The following RUNX1 variants were observed in gnomAD, a reference collection of about 807,000 sequenced individuals.
RUNX1 encodes the protein RUNX family transcription factor 1.
A neutral mutation model predicts 42.8 loss-of-function variants in RUNX1; 19 were observed. That is an observed-to-expected ratio of 0.44 (90% CI 0.31 to 0.65). The LOEUF (loss-of-function observed/expected upper bound fraction) is 0.65, where lower values mean the gene tolerates loss of function less well. Ranked by LOEUF, RUNX1 falls within the 30% of genes least tolerant of loss-of-function variation. The probability of loss-of-function intolerance (pLI) is 0.07; values close to 1 mark genes in which losing one functional copy is unlikely to be tolerated. For missense variants in RUNX1, 528 were observed against 672.0 expected, an observed-to-expected ratio of 0.79 and a Z score of 2.37; for synonymous variants, 271 against 289.4, an observed-to-expected ratio of 0.94 and a Z score of 0.64.
chr21:34,867,372 G>A (rs145723659), intron 5 of RUNX1, among the ~76,000 whole-genome samples: 3,800 of 152,266 alleles, frequency 0.025, 151 homozygotes, highest in African/African-American at 0.085. Context: ...CCCAGGAGGC[G>A]GAGGTTGCAG....
chr21:34,858,263 C>A (rs1412575449), intron 6 of RUNX1, among the ~76,000 whole-genome samples: 1 of 152,134 alleles, frequency 6.6e-6, no homozygotes, highest in East Asian at 1.9e-4. Context: ...GGATAGCCTG[C>A]AGAGAACTAC....
chr21:34,807,278 C>T (rs2056693192), intron 7 of RUNX1, among the ~76,000 whole-genome samples: 2 of 152,154 alleles, frequency 1.3e-5, no homozygotes, highest in South Asian at 4.1e-4. Flanking sequence ...TGACTGTCCA[C>T]TCTAGGGTCT....
chr21:34,952,134 C>T (rs551292314), intron 2 of RUNX1, among the ~76,000 whole-genome samples: 5 of 152,080 alleles, frequency 3.3e-5, no homozygotes, highest in Non-Finnish European at 5.9e-5. Flanking sequence ...GGACAGAAAA[C>T]CAAACACTAC....
intron 2 of RUNX1, among the ~76,000 whole-genome samples, chr21:35,004,753 C>T (rs189766172): frequency 5.9e-5 from 9 of 152,286 alleles, no homozygotes; most frequent in South Asian, 2.1e-4. Flanking sequence ...ATTCAACTTT[C>T]GGGCTCACAA....
chr21:34,813,382 A>G (rs1317123387), intron 7 of RUNX1, among the ~76,000 whole-genome samples: 38 of 152,214 alleles, frequency 2.5e-4, no homozygotes, highest in Admixed American at 2.5e-3. Context: ...GGTGCTCTTC[A>G]GGATCGGGGA....
At chr21:34,873,355 C>T (rs1555897312) in intron 5 of RUNX1, among the ~76,000 whole-genome samples, 1 of 152,176 alleles carries the variant, frequency 6.6e-6, no homozygotes, top group Non-Finnish European at 1.5e-5. Flanking sequence ...TGGACAGGCA[C>T]GTCCTTGGGA....
intron 2 of RUNX1, among the ~76,000 whole-genome samples, chr21:34,899,344 G>A (rs1204928640): frequency 2.0e-5 from 3 of 152,208 alleles, no homozygotes; most frequent in Non-Finnish European, 1.5e-5. Flanking sequence ...AGATGAGGTT[G>A]TGAGGCTGGG....
rs796351052 is a variant in RUNX1 at position 34,849,332 on chromosome 21, CTA to C, written c.613+10140_613+10141del. On this transcript the variant is annotated intron_variant, in intron 6 of 8. Coordinates refer to ENST00000675419, the MANE Select transcript of RUNX1 (RefSeq NM_001754.5). ...ATATATTATATATATATTATATATA[CTA>C]TATATATTATATATAGTATATATAA... is the stretch of plus-strand genomic sequence containing the variant. Among the ~76,000 whole-genome samples the C allele has an allele frequency of 3.6e-3, 89 of 24,666 alleles. 13 individuals carry two copies. Among genetic ancestry groups the C allele is most frequent in the Admixed American group, 0.011 (12 of 1,086 alleles). 16.2% of individuals were successfully genotyped at this position (24,666 alleles called of 152,430 possible).
chr21:34,788,439 C>T lies in RUNX1; in HGVS notation c.*3696G>A, dbSNP rs986522494. On this transcript the variant is annotated 3_prime_UTR_variant, in exon 9 of 9. Coordinates refer to ENST00000675419, the MANE Select transcript of RUNX1 (RefSeq NM_001754.5). Reference sequence around the variant, plus strand: ...TTGGAACCATGCTATTAGCTGTTTACAAAAGTGAATAAGAAGTAGCTCATT... The same window carrying T: ...TTGGAACCATGCTATTAGCTGTTTATAAAAGTGAATAAGAAGTAGCTCATT... 2 of 232,434 alleles carry T rather than the reference C, an allele frequency of 8.6e-6. No individual in the cohort carries two copies. 14.4% of individuals were successfully genotyped at this position (232,434 alleles called of 1,614,324 possible).
At chr21:34,818,722 A>C (rs985054337) in intron 7 of RUNX1, among the ~76,000 whole-genome samples, 2 of 152,258 alleles carry the variant, frequency 1.3e-5, no homozygotes, top group Admixed American at 6.5e-5. Context: ...AGGATGGACC[A>C]GCCGACCGGC....
At chr21:34,930,849 AC>A (rs2058439055) in intron 2 of RUNX1, among the ~76,000 whole-genome samples, 1 of 152,144 alleles carries the variant, frequency 6.6e-6, no homozygotes, top group Non-Finnish European at 1.5e-5. Flanking sequence ...TTGTAAGGTC[AC>A]CCATTTCTTC....
At chr21:34,906,578 A>T (rs1286235001) in intron 2 of RUNX1, among the ~76,000 whole-genome samples, 1 of 152,248 alleles carries the variant, frequency 6.6e-6, no homozygotes, top group Non-Finnish European at 1.5e-5. Flanking sequence ...CCAAGGCCAC[A>T]TAGAGATGGA....
At chr21:34,887,405 G>A (rs2058014214) in intron 3 of RUNX1, 1 of 1,391,676 alleles carries the variant, frequency 7.2e-7, no homozygotes, top group Non-Finnish European at 9.3e-7. Flanking sequence ...CACGAATCTT[G>A]CTTGCAGAGG....
chr21:34,978,969 C>CACAT (rs959216105), intron 2 of RUNX1, among the ~76,000 whole-genome samples: 1 of 151,566 alleles, frequency 6.6e-6, no homozygotes, highest in Admixed American at 6.6e-5. Flanking sequence ...CACACACACA[C>CACAT]ACACACACAC....
In RUNX1 at chr21:34,893,770, GTTTTT is replaced by G. The variant is rs67786578; in HGVS notation, c.59-812_59-808del. 3.6e-3 allele frequency among the ~76,000 whole-genome samples: 489 copies of G among 137,666 alleles called. 4 individuals carry two copies. Among genetic ancestry groups the G allele is most frequent in the African/African-American group, 0.013 (467 of 34,708 alleles). The allele number at this position is 137,666 out of a possible 152,430, so 90.3% of individuals were successfully genotyped here. A position where few individuals can be genotyped will look rare whatever the true frequency, so the allele number is the denominator to read the frequency against. On this transcript the variant is annotated intron_variant, in intron 2 of 8. Coordinates refer to ENST00000675419, the MANE Select transcript of RUNX1 (RefSeq NM_001754.5). ...TCCATGCCACAATATTTAGTATGCTGTTTTTTTTTTTTTAAAAAAAAACCTTTAAA... is the reference window on the plus strand; with the variant it reads ...TCCATGCCACAATATTTAGTATGCTGTTTTTTTTAAAAAAAAACCTTTAAA...
chr21:34,951,138 T>C (rs1226779319), intron 2 of RUNX1, among the ~76,000 whole-genome samples: 1 of 152,174 alleles, frequency 6.6e-6, no homozygotes, highest in East Asian at 1.9e-4. Context: ...CTTCATCCAC[T>C]TATCTGCCCA....
Position 34,889,712 on chromosome 21 carries a change from G to A in RUNX1, c.98-2616C>T, listed in dbSNP as rs112484410. 1.7e-3 allele frequency: 2,021 copies of A among 1,186,098 alleles called. 31 individuals are homozygous for A. The African/African-American group carries it at 0.03, about 18-fold the overall frequency. The allele number at this position is 1,186,098 out of a possible 1,614,324, so 73.5% of individuals were successfully genotyped here. On this transcript the variant is annotated intron_variant, in intron 3 of 8. Transcript: ENST00000675419. ...CGTGCGGGCGGCCGCTTCCCCCTGCGCCGGTCCCCGCGGTGCTGCGGGCAT... is the reference window on the plus strand; with the variant it reads ...CGTGCGGGCGGCCGCTTCCCCCTGCACCGGTCCCCGCGGTGCTGCGGGCAT...
chr21:34,951,027 C>T (rs993113019), intron 2 of RUNX1, among the ~76,000 whole-genome samples: 2 of 152,224 alleles, frequency 1.3e-5, no homozygotes, highest in African/African-American at 4.8e-5. Context: ...TTAGAAGAGA[C>T]ATTAGCAGCA....
chr21:34,932,551 G>T (rs997540668), intron 2 of RUNX1, among the ~76,000 whole-genome samples: 1 of 152,120 alleles, frequency 6.6e-6, no homozygotes, highest in African/African-American at 2.4e-5. Context: ...ATGTAAAACA[G>T]TTACAATTTA....
Sources: allele counts gnomAD v4.1 joint callset (sites outside exome capture counted in the v4.1 genomes callset), GRCh38; gene constraint gnomAD v4.1.1; transcripts MANE v1.5; gene names NCBI Gene and HGNC (gene_info 2026-07-23, HGNC 2026-07-21).